The following ATXN8OS variants were observed in gnomAD, a reference collection of about 807,000 sequenced individuals.
ATXN8OS encodes ATXN8 opposite strand (non-protein coding).
intron 4 of ATXN8OS, among the ~76,000 whole-genome samples, chr13:70,163,101 T>C (rs1889029824): frequency 6.6e-6 from 1 of 152,102 alleles, no homozygotes; most frequent in Admixed American, 6.6e-5. Flanking sequence ...GTGCTATCAA[T>C]AATTATAATA....
chr13:70,139,377 ACTACTACTGCTGCTGCTGCTG>A lies in ATXN8OS; in HGVS notation n.500-7975_500-7955del, dbSNP rs1433622573. The A allele has an allele frequency of 5.0e-3, 3,221 of 645,390 alleles. 13 individuals carry two copies. The highest frequency in any genetic ancestry group is 6.4e-3 in the Non-Finnish European group (2,472 of 386,298). 40.0% of individuals were successfully genotyped at this position (645,390 alleles called of 1,614,324 possible). A position where few individuals can be genotyped will look rare whatever the true frequency, so the allele number is the denominator to read the frequency against. ...TACTACTACTACTACTACTACTACT[ACTACTACTGCTGCTGCTGCTG>A]CTGCTGCTGCTGCTGCTGCTGCTGC... On this transcript the variant is annotated intron_variant and non_coding_transcript_variant, in intron 3 of 4. Coordinates refer to ENST00000678624, the Ensembl canonical transcript of ATXN8OS.
At chr13:70,141,160 G>A (rs1033016289) in intron 3 of ATXN8OS, among the ~76,000 whole-genome samples, 1 of 152,114 alleles carries the variant, frequency 6.6e-6, no homozygotes, top group Non-Finnish European at 1.5e-5. Flanking sequence ...ATGTGAATGG[G>A]AAAAAGTTGA....
At chr13:70,145,397 G>T (rs1245604248) in intron 3 of ATXN8OS, among the ~76,000 whole-genome samples, 1 of 151,646 alleles carries the variant, frequency 6.6e-6, no homozygotes, top group Non-Finnish European at 1.5e-5. Flanking sequence ...GAAAGTCATT[G>T]GTAGCTTGAT....
At position 70,139,380 on chromosome 13, in the gene ATXN8OS, A is replaced by ACTACTACTG. The variant is rs1555300512; in HGVS notation, n.500-7970_500-7969insACTGCTACT. 1.0e-4 allele frequency: 60 copies of ACTACTACTG among 576,714 alleles called. 4 individuals are homozygous for ACTACTACTG. The highest frequency in any genetic ancestry group is 1.5e-4 in the Non-Finnish European group (52 of 335,946). The allele number at this position is 576,714 out of a possible 1,614,324, so 35.7% of individuals were successfully genotyped here. On this transcript the variant is annotated intron_variant and non_coding_transcript_variant, in intron 3 of 4. Transcript: ENST00000678624. Reference sequence around the variant, plus strand: ...TACTACTACTACTACTACTACTACTACTACTGCTGCTGCTGCTGCTGCTGC... The same window carrying ACTACTACTG: ...TACTACTACTACTACTACTACTACTACTACTACTGCTACTGCTGCTGCTGCTGCTGCTGC...
intron 4 of ATXN8OS, among the ~76,000 whole-genome samples, chr13:70,159,398 C>T (rs1264024024): frequency 1.3e-5 from 2 of 151,920 alleles, no homozygotes; most frequent in Non-Finnish European, 2.9e-5. Context: ...TACTGCTTTA[C>T]AGAAGTAGTA....
At chr13:70,136,636 A>G (rs1277467572) in intron 3 of ATXN8OS, among the ~76,000 whole-genome samples, 1 of 152,084 alleles carries the variant, frequency 6.6e-6, no homozygotes, top group Non-Finnish European at 1.5e-5. Context: ...TTACAGACCT[A>G]GACCTCCCAC....
intron 4 of ATXN8OS, among the ~76,000 whole-genome samples, chr13:70,156,983 A>C (rs1437880957): frequency 6.6e-6 from 1 of 152,176 alleles, no homozygotes; most frequent in Non-Finnish European, 1.5e-5. Flanking sequence ...AAAAGTCTCA[A>C]AACACATTTT....
intron 4 of ATXN8OS, among the ~76,000 whole-genome samples, chr13:70,152,593 C>T (rs752334504): frequency 2.0e-5 from 3 of 151,902 alleles, no homozygotes; most frequent in Non-Finnish European, 4.4e-5. Context: ...ATTCATCATG[C>T]ATGATGCCCC....
rs76427910 is a variant in ATXN8OS at position 70,154,365 on chromosome 13, C to A, written n.573+6937C>A. On this transcript the variant is annotated intron_variant and non_coding_transcript_variant, in intron 4 of 4. Transcript: ENST00000678624. ...CTCCATCTTACCTCAGGTCATAAAG[C>A]CTGCAGAGGGGCTGCTACTTCTTTC... Among the ~76,000 whole-genome samples, 968 of 152,286 alleles carry A rather than the reference C, an allele frequency of 6.4e-3. 8 individuals are homozygous for A. Among genetic ancestry groups the A allele is most frequent in the Admixed American group, 0.011 (162 of 15,284 alleles).
chr13:70,120,730 A>T (rs1451247399), intron 2 of ATXN8OS, among the ~76,000 whole-genome samples: 1 of 152,186 alleles, frequency 6.6e-6, no homozygotes, highest in Non-Finnish European at 1.5e-5. Context: ...ACCATGGAAT[A>T]CTATGCAGCC....
intron 4 of ATXN8OS, among the ~76,000 whole-genome samples, chr13:70,151,535 A>C (rs1888867395): frequency 6.6e-6 from 1 of 152,134 alleles, no homozygotes; most frequent in Non-Finnish European, 1.5e-5. Flanking sequence ...CAGCTTGAAC[A>C]AAAAGATAGG....
intron 4 of ATXN8OS, among the ~76,000 whole-genome samples, chr13:70,164,064 A>C (rs867720554): frequency 0.022 from 3,007 of 137,454 alleles, 107 homozygotes; most frequent in African/African-American, 0.075. Context: ...TCTTATTATT[A>C]TTATTATTAT....
chr13:70,148,660 A>C (rs901329344), intron 4 of ATXN8OS, among the ~76,000 whole-genome samples: 1 of 152,174 alleles, frequency 6.6e-6, no homozygotes, highest in African/African-American at 2.4e-5. Context: ...TTGTTTTACC[A>C]TTTGAAATTC....
chr13:70,131,198 T>G (rs1263466916), intron 3 of ATXN8OS: 3 of 397,514 alleles, frequency 7.5e-6, no homozygotes, highest in Admixed American at 4.4e-5. Flanking sequence ...GAAGTATATC[T>G]GTCACAATGT....
At chr13:70,119,114 G>T (rs755449468) in intron 2 of ATXN8OS, among the ~76,000 whole-genome samples, 8 of 151,978 alleles carry the variant, frequency 5.3e-5, no homozygotes, top group Non-Finnish European at 1.2e-4. Flanking sequence ...ACAAAAGAAG[G>T]ATTGTAAAGT....
At chr13:70,146,477 T>C (rs1300157542) in intron 3 of ATXN8OS, among the ~76,000 whole-genome samples, 210 of 152,260 alleles carry the variant, frequency 1.4e-3, no homozygotes, top group Non-Finnish European at 2.3e-3. Context: ...ATGTTTATTG[T>C]GTCACTATTC....
chr13:70,149,137 T>G (rs910044813), intron 4 of ATXN8OS, among the ~76,000 whole-genome samples: 44 of 152,250 alleles, frequency 2.9e-4, no homozygotes, highest in African/African-American at 1.0e-3. Context: ...TATTAATTGT[T>G]TTGCAGTTTC....
At chr13:70,121,330 A>C (rs984082555) in intron 2 of ATXN8OS, among the ~76,000 whole-genome samples, 1 of 152,092 alleles carries the variant, frequency 6.6e-6, no homozygotes, top group African/African-American at 2.4e-5. Context: ...ATAGTGTGGG[A>C]GGAGAGGGAA....
chr13:70,121,022 G>A (rs1471380234), intron 2 of ATXN8OS, among the ~76,000 whole-genome samples: 1 of 151,836 alleles, frequency 6.6e-6, no homozygotes, highest in East Asian at 1.9e-4. Context: ...GTATACATAT[G>A]TAACTAACCT....
Sources: gnomAD v4.1 joint callset for allele counts (sites outside exome capture counted in the v4.1 genomes callset) on GRCh38, gnomAD v4.1.1 for gene constraint, MANE v1.5 for transcripts, NCBI Gene and HGNC (gene_info 2026-07-23, HGNC 2026-07-21) for gene names.